XKR9: variants seen among roughly 807,000 people sequenced by gnomAD.
XKR9 encodes XK-related protein 9.
Under a neutral mutation model 32.0 loss-of-function variants are expected in XKR9, and 32 were observed. The observed-to-expected ratio is 1.00, with a 90% CI of 0.76 to 1.34. XKR9 has a LOEUF of 1.34. XKR9 is among the 40% of genes most tolerant of loss of function. XKR9 has a pLI of 0.00. For missense variants in XKR9, 546 were observed against 429.7 expected (o/e 1.27, Z -2.39); for synonymous variants, 168 against 143.4 (o/e 1.17, Z -1.22).
the XKR9 span, among the ~76,000 whole-genome samples, chr8:70,816,727 G>A: frequency 3.4e-5 from 3 of 88,154 alleles, no homozygotes; most frequent in African/African-American, 1.4e-4. Flanking sequence ...TAGATGCAAA[G>A]ATTCTCATCA....
chr8:70,872,450 T>C, the XKR9 span, among the ~76,000 whole-genome samples: 1 of 152,234 alleles, frequency 6.6e-6, no homozygotes, highest in South Asian at 2.1e-4. Context: ...CAGCAAGTGT[T>C]AATGTAGAAT....
the XKR9 span, among the ~76,000 whole-genome samples, chr8:70,809,026 C>G: frequency 1.3e-5 from 2 of 152,210 alleles, no homozygotes; most frequent in Admixed American, 1.3e-4. Context: ...CTCGAGTAGC[C>G]TAACTGGTAG....
the XKR9 span, among the ~76,000 whole-genome samples, chr8:71,032,305 A>AT: frequency 7.8e-5 from 11 of 140,832 alleles, no homozygotes; most frequent in Non-Finnish European, 1.1e-4. Flanking sequence ...AAAAAAAAAA[A>AT]AAACCACTTT....
the XKR9 span, among the ~76,000 whole-genome samples, chr8:70,814,021 T>C: frequency 6.6e-6 from 1 of 152,126 alleles, no homozygotes; most frequent in African/African-American, 2.4e-5. Flanking sequence ...TTATTCACAA[T>C]AGCAAAGACT....
chr8:70,980,350 G>T, the XKR9 span, among the ~76,000 whole-genome samples: 2 of 152,220 alleles, frequency 1.3e-5, no homozygotes, highest in Non-Finnish European at 2.9e-5. Flanking sequence ...TGCCAGTCAT[G>T]CTCGGAGCTC....
chr8:70,692,001 G>A, intron 3 of XKR9, among the ~76,000 whole-genome samples: 1 of 150,990 alleles, frequency 6.6e-6, no homozygotes, highest in East Asian at 1.9e-4. Context: ...AATTGTTTTG[G>A]GCAGTATAGC....
the XKR9 span, among the ~76,000 whole-genome samples, chr8:71,064,923 A>G: frequency 5.3e-5 from 8 of 152,296 alleles, no homozygotes; most frequent in African/African-American, 1.9e-4. Flanking sequence ...ACTGAAGGTC[A>G]TCTTGGACGC....
At chr8:70,780,360 C>A (rs925207452) in intron 2 of XKR9, among the ~76,000 whole-genome samples, 1 of 151,820 alleles carries the variant, frequency 6.6e-6, no homozygotes, top group African/African-American at 2.4e-5. Context: ...CTAATATAAC[C>A]ATTTAAAGCT....
chr8:70,855,997 C>A, the XKR9 span, among the ~76,000 whole-genome samples: 2 of 152,188 alleles, frequency 1.3e-5, no homozygotes, highest in East Asian at 3.8e-4. Context: ...TGGAAAGGAA[C>A]AACTGGTATC....
At chr8:71,050,244 T>G in the XKR9 span, among the ~76,000 whole-genome samples, 22 of 123,568 alleles carry the variant, frequency 1.8e-4, no homozygotes, top group African/African-American at 7.7e-4. Context: ...GAGATATATA[T>G]ATATATATAT....
chr8:70,730,722 TA>T (rs1332587742), intron 4 of XKR9, among the ~76,000 whole-genome samples: 1 of 152,108 alleles, frequency 6.6e-6, no homozygotes, highest in Non-Finnish European at 1.5e-5. Flanking sequence ...AGAGAGAAAT[TA>T]TTCCGGAAGC....
At chr8:70,821,799 G>A in the XKR9 span, among the ~76,000 whole-genome samples, 50 of 152,334 alleles carry the variant, frequency 3.3e-4, no homozygotes, top group African/African-American at 1.2e-3. Context: ...AAACAGCAAA[G>A]CCCTGGGCCC....
At chr8:70,957,783 CTTTTTTTTTTTTT>C in the XKR9 span, among the ~76,000 whole-genome samples, 2 of 84,814 alleles carry the variant, frequency 2.4e-5, no homozygotes, top group Admixed American at 1.6e-4. Flanking sequence ...TTCAGTCTAT[CTTTTTTTTTTTTT>C]TTTTTTTTTT....
intron 2 of XKR9, among the ~76,000 whole-genome samples, chr8:70,748,132 G>T (rs1306637826): frequency 2.0e-5 from 3 of 152,204 alleles, no homozygotes; most frequent in Non-Finnish European, 4.4e-5. Context: ...GACAGGGGCG[G>T]CCCATCTGGA....
the XKR9 span, among the ~76,000 whole-genome samples, chr8:70,944,518 C>A: frequency 2.0e-5 from 3 of 152,200 alleles, no homozygotes; most frequent in African/African-American, 7.2e-5. Flanking sequence ...GGGATCATCT[C>A]TACAAATACA....
At chr8:70,895,205 C>T in the XKR9 span, among the ~76,000 whole-genome samples, 1 of 152,042 alleles carries the variant, frequency 6.6e-6, no homozygotes, top group Non-Finnish European at 1.5e-5. Flanking sequence ...TCCAGCTGAT[C>T]CCATTTGGGG....
chr8:70,993,660 TCCTTCCTTCCTC>T, the XKR9 span, among the ~76,000 whole-genome samples: 1 of 140,988 alleles, frequency 7.1e-6, no homozygotes, highest in Non-Finnish European at 1.5e-5. Flanking sequence ...CTTCCTTCCT[TCCTTCCTTCCTC>T]CCATCCTTCC....
At chr8:70,746,135 A>T (rs924572205) in intron 2 of XKR9, among the ~76,000 whole-genome samples, 6 of 151,604 alleles carry the variant, frequency 4.0e-5, no homozygotes, top group Non-Finnish European at 8.8e-5. Context: ...GTACTTTTTT[A>T]AAATGTTAAA....
At chr8:70,823,203 A>G in the XKR9 span, among the ~76,000 whole-genome samples, 1 of 152,210 alleles carries the variant, frequency 6.6e-6, no homozygotes. Context: ...GTGGTCCCAC[A>G]AATATACTGT....
Sources: allele counts gnomAD v4.1 joint callset (sites outside exome capture counted in the v4.1 genomes callset), GRCh38; gene constraint gnomAD v4.1.1; transcripts MANE v1.5; gene names NCBI Gene and HGNC (gene_info 2026-07-23, HGNC 2026-07-21).